Variants in RBFOX1 observed in about 807,000 individuals in gnomAD.
RBFOX1 encodes RNA binding fox-1 homolog 1.
RBFOX1 carries 8 observed loss-of-function variants against 57.7 expected under a neutral mutation model. The observed-to-expected ratio is 0.14, with a 90% CI of 0.08 to 0.25. RBFOX1 has a LOEUF of 0.25. RBFOX1 is among the 10% of genes least tolerant of loss of function. The pLI is 1.00. For synonymous variants in RBFOX1, 326 were observed against 222.4 expected (o/e 1.47, Z -4.15); for missense variants, 611 against 548.5 (o/e 1.11, Z -1.14).
intron 3 of RBFOX1, among the ~76,000 whole-genome samples, chr16:6,689,665 A>G (rs748233415): frequency 6.6e-6 from 1 of 152,290 alleles, no homozygotes. Context: ...GACAGTTGTC[A>G]TGAAAATCCT....
At chr16:6,620,253 C>T (rs112703101) in intron 2 of RBFOX1, among the ~76,000 whole-genome samples, 1 of 152,058 alleles carries the variant, frequency 6.6e-6, no homozygotes, top group South Asian at 2.1e-4. Context: ...ACTTCTGGGT[C>T]AATAATGAAA....
At chr16:7,226,406 A>G (rs977925332) in intron 4 of RBFOX1, among the ~76,000 whole-genome samples, 1 of 152,214 alleles carries the variant, frequency 6.6e-6, no homozygotes, top group Non-Finnish European at 1.5e-5. Flanking sequence ...AATGTCCACT[A>G]CAGGCCCTCA....
At chr16:6,617,943 G>A (rs1032976498) in intron 2 of RBFOX1, among the ~76,000 whole-genome samples, 2 of 152,140 alleles carry the variant, frequency 1.3e-5, no homozygotes, top group Non-Finnish European at 2.9e-5. Context: ...CATGGAGGTG[G>A]TGTTGGTGCA....
At chr16:7,554,436 G>T (rs1384445476) in intron 5 of RBFOX1, among the ~76,000 whole-genome samples, 2 of 152,176 alleles carry the variant, frequency 1.3e-5, no homozygotes, top group Non-Finnish European at 2.9e-5. Flanking sequence ...AGGTTGCACT[G>T]CATGTGGTAA....
intron 3 of RBFOX1, among the ~76,000 whole-genome samples, chr16:6,870,379 T>A (rs1423392829): frequency 1.3e-5 from 2 of 152,194 alleles, no homozygotes; most frequent in Admixed American, 1.3e-4. Flanking sequence ...TTTTCACATA[T>A]CTCATTTGCA....
chr16:7,150,870 C>T (rs1468507503), intron 4 of RBFOX1, among the ~76,000 whole-genome samples: 1 of 152,226 alleles, frequency 6.6e-6, no homozygotes, highest in African/African-American at 2.4e-5. Context: ...GCTTACACCA[C>T]ATTATAATTA....
chr16:5,465,133 A>G (rs1020226615), intron 1 of RBFOX1, among the ~76,000 whole-genome samples: 1 of 152,098 alleles, frequency 6.6e-6, no homozygotes, highest in East Asian at 1.9e-4. Flanking sequence ...TAAACAGCAA[A>G]TTTATTTCTC....
chr16:6,433,685 G>A (rs1479138563), intron 2 of RBFOX1, among the ~76,000 whole-genome samples: 1 of 152,042 alleles, frequency 6.6e-6, no homozygotes, highest in African/African-American at 2.4e-5. Flanking sequence ...TTCTTCCGGA[G>A]GCTCCAGGGA....
chr16:5,711,549 A>G (rs1177258914), intron 3 of RBFOX1, among the ~76,000 whole-genome samples: 1 of 152,184 alleles, frequency 6.6e-6, no homozygotes, highest in Admixed American at 6.5e-5. Flanking sequence ...AATAAAGAGC[A>G]TTAGGTGGCA....
At chr16:6,624,001 C>T (rs983990610) in intron 2 of RBFOX1, among the ~76,000 whole-genome samples, 1 of 152,112 alleles carries the variant, frequency 6.6e-6, no homozygotes, top group Non-Finnish European at 1.5e-5. Flanking sequence ...AGTTCTAGAT[C>T]CCTGAGGAGT....
chr16:6,683,263 G>T (rs2058942724), intron 3 of RBFOX1, among the ~76,000 whole-genome samples: 1 of 152,102 alleles, frequency 6.6e-6, no homozygotes, highest in African/African-American at 2.4e-5. Context: ...CCAGTGCAGA[G>T]GTCAAATTTT....
chr16:5,868,275 G>A lies in RBFOX1; in HGVS notation c.351+940G>A, dbSNP rs540541808. 1.4e-4 allele frequency among the ~76,000 whole-genome samples: 22 copies of A among 152,302 alleles called. 1 individual carries two copies. The highest frequency in any genetic ancestry group is 1.2e-3 in the Admixed American group (18 of 15,306). On this transcript the variant is annotated intron_variant, in intron 4 of 19. Transcript: ENST00000641259. ...CCAGGAGCCCAGGGCTCTGTGTGACGTCCAGTGTTGCATTATTGGAACCCT... is the reference window on the plus strand; with the variant it reads ...CCAGGAGCCCAGGGCTCTGTGTGACATCCAGTGTTGCATTATTGGAACCCT...
intron 2 of RBFOX1, among the ~76,000 whole-genome samples, chr16:5,505,084 A>G (rs958380215): frequency 1.3e-5 from 2 of 152,078 alleles, no homozygotes; most frequent in African/African-American, 4.8e-5. Context: ...ACCACTTGAG[A>G]TGGGCACTTT....
chr16:6,869,056 A>C (rs977537582), intron 3 of RBFOX1, among the ~76,000 whole-genome samples: 9 of 152,200 alleles, frequency 5.9e-5, no homozygotes, highest in African/African-American at 2.2e-4. Flanking sequence ...TACGAATGAG[A>C]AATAAACTTC....
At chr16:6,473,074 C>T (rs927347613) in intron 2 of RBFOX1, among the ~76,000 whole-genome samples, 2 of 152,180 alleles carry the variant, frequency 1.3e-5, no homozygotes, top group Non-Finnish European at 2.9e-5. Flanking sequence ...ATGTACCTCT[C>T]CCTATGTACC....
intron 2 of RBFOX1, among the ~76,000 whole-genome samples, chr16:6,350,235 G>C (rs570297047): frequency 4.6e-5 from 7 of 151,668 alleles, no homozygotes; most frequent in Non-Finnish European, 1.0e-4. Flanking sequence ...TCGGGAGTTC[G>C]AGACCAGCCT....
chr16:7,015,760 T>C (rs1283777812), intron 3 of RBFOX1, among the ~76,000 whole-genome samples: 1 of 151,498 alleles, frequency 6.6e-6, no homozygotes, highest in Non-Finnish European at 1.5e-5. Flanking sequence ...TAACATTTTC[T>C]TTTTTTTTCT....
At chr16:6,359,259 ATTGT>A (rs762326225) in intron 2 of RBFOX1, among the ~76,000 whole-genome samples, 3 of 151,916 alleles carry the variant, frequency 2.0e-5, no homozygotes, top group Non-Finnish European at 4.4e-5. Context: ...GGCCTGGCTA[ATTGT>A]TTGTATTTTT....
chr16:6,570,027 G>A (rs983478871), intron 2 of RBFOX1, among the ~76,000 whole-genome samples: 1 of 152,168 alleles, frequency 6.6e-6, no homozygotes, highest in Non-Finnish European at 1.5e-5. Context: ...TTTAGAGGAC[G>A]ACCTTCAGTA....
Sources: allele counts gnomAD v4.1 joint callset (sites outside exome capture counted in the v4.1 genomes callset), GRCh38; gene constraint gnomAD v4.1.1; transcripts MANE v1.5; gene names NCBI Gene and HGNC (gene_info 2026-07-23, HGNC 2026-07-21).